INTS2: variants seen among roughly 807,000 people sequenced by gnomAD.
INTS2 encodes integrator complex subunit 2, also known as KIAA1287.
In INTS2, 57 loss-of-function variants were observed where a neutral mutation model predicts 139.6. The ratio of observed to expected loss-of-function variants is 0.41; its 90% CI spans 0.33 to 0.51. The LOEUF is 0.51. Ranked by LOEUF, INTS2 falls within the 20% of genes least tolerant of loss-of-function variation. The pLI is 0.28. For missense variants in INTS2, 1,196 were observed against 1,436.7 expected, an observed-to-expected ratio of 0.83 and a Z score of 2.71; for synonymous variants, 473 against 493.4, an observed-to-expected ratio of 0.96 and a Z score of 0.55.
Position 61,870,740 on chromosome 17 carries a change from G to A in INTS2, c.2779-752C>T, listed in dbSNP as rs2079082079. On this transcript the variant is annotated intron_variant, in intron 20 of 24. Transcript: ENST00000251334. This position sits in a 1 kb window ranked among gnomAD's most constrained non-coding sequence, Gnocchi z 4.4. ...TGATTAAGAACTTATTATAAAGTGAGGTTAGACTACTTTATAATCATGGTT... is the reference window on the plus strand; with the variant it reads ...TGATTAAGAACTTATTATAAAGTGAAGTTAGACTACTTTATAATCATGGTT... 6.6e-6 allele frequency among the ~76,000 whole-genome samples: 1 copy of A among 152,150 alleles called. No individual in the cohort carries two copies. The highest frequency in any genetic ancestry group is 1.5e-5 in the Non-Finnish European group (1 of 68,030).
chr17:61,887,469 C>G (rs1226300293), intron 15 of INTS2, among the ~76,000 whole-genome samples: 1 of 116,700 alleles, frequency 8.6e-6, no homozygotes, highest in East Asian at 2.6e-4. Context: ...GGCAACACAA[C>G]AAGACTCTGT....
intron 17 of INTS2, among the ~76,000 whole-genome samples, chr17:61,879,157 T>C (rs2458795): frequency 2.8e-5 from 4 of 143,834 alleles, no homozygotes; most frequent in Non-Finnish European, 6.0e-5. Context: ...CGGCCTCAAG[T>C]GATCCTCCTG....
rs995545484 is a variant in INTS2, at chr17:61,925,046, T to G, written c.347A>C (p.His116Pro). The G allele has an allele frequency of 3.1e-6, 5 of 1,613,826 alleles. No individual in the cohort carries two copies. The highest frequency in any genetic ancestry group is 4.2e-6 in the Non-Finnish European group (5 of 1,179,752). The change falls in exon 3 of 25, where the codon CAT (histidine) becomes CCT (proline). Residue 116 changes from histidine to proline, a missense_variant. His to Pro is a moderately conservative substitution (Grantham distance 77). Coordinates refer to ENST00000251334, the MANE Select transcript of INTS2 (RefSeq NM_001351695.2). Reference sequence around the variant, plus strand: ...GTGTTCAAACTCTAACGTCAGTCCATGCTGAAGCTGTGATACCAGGATGCT... The same window carrying G: ...GTGTTCAAACTCTAACGTCAGTCCAGGCTGAAGCTGTGATACCAGGATGCT... ...GESILVSQLQ[H>P]GLTLEFEHSD...
intron 4 of INTS2, among the ~76,000 whole-genome samples, chr17:61,920,274 A>T (rs2143160554): frequency 6.9e-6 from 1 of 144,150 alleles, no homozygotes; most frequent in African/African-American, 2.6e-5. Flanking sequence ...CTCCGCCTCC[A>T]GAGTTCAAGC....
At chr17:61,874,882 A>G (rs376619576) in intron 19 of INTS2, 31 bp downstream of exon 19, 14 of 1,513,408 alleles carry the variant, frequency 9.3e-6, no homozygotes, top group Non-Finnish European at 1.2e-5. Flanking sequence ...GTACAGCTCT[A>G]TAATAAAAAT....
chr17:61,894,375 A>G lies in INTS2; in HGVS notation c.1564-476T>C, dbSNP rs545246532. 2.6e-5 allele frequency among the ~76,000 whole-genome samples: 4 copies of G among 152,342 alleles called. No homozygotes were observed. In the East Asian group the frequency reaches 7.7e-4, roughly 29 times the overall value. On this transcript the variant is annotated intron_variant, in intron 12 of 24. Transcript: ENST00000251334. ...CTCAATATGTCATGCATAGGCTCTA[A>G]TCGTCTTTTAAAGACCCTCTTCAAA...
chr17:61,897,440 T>A lies in INTS2; in HGVS notation c.1494+29A>T. ...TGTCCAGCTTAGAAACACCTTTTTT[T>A]TTTTAGAAAGAAGTTAAAAGAAAAT... On this transcript the variant is annotated intron_variant, in intron 11 of 24. Transcript: ENST00000251334. This position sits in a 1 kb window ranked among gnomAD's most constrained non-coding sequence, Gnocchi z 4.4. The A allele has an allele frequency of 7.4e-7, 1 of 1,356,696 alleles. No homozygotes were observed. 84.0% of individuals were successfully genotyped at this position (1,356,696 alleles called of 1,614,324 possible).
chr17:61,879,580 G>A (rs1346608730), intron 17 of INTS2, among the ~76,000 whole-genome samples: 1 of 152,176 alleles, frequency 6.6e-6, no homozygotes, highest in Non-Finnish European at 1.5e-5. Flanking sequence ...GCCAGGCACG[G>A]TGGTTCATGC....
At chr17:61,907,824 T>C (rs2079481869) in intron 7 of INTS2, among the ~76,000 whole-genome samples, 190 bp from the exon 8 acceptor site, 1 of 152,188 alleles carries the variant, frequency 6.6e-6, no homozygotes, top group Non-Finnish European at 1.5e-5. Context: ...AGAATGAATA[T>C]TCACCATAAT....
At chr17:61,883,165 A>C (rs1415316043) in intron 16 of INTS2, among the ~76,000 whole-genome samples, 3 of 152,224 alleles carry the variant, frequency 2.0e-5, no homozygotes, top group Admixed American at 2.0e-4. Context: ...TCTTTTCAAT[A>C]AAGTATATCA....
chr17:61,897,665 T>C lies in INTS2; in HGVS notation c.1379+3A>G, dbSNP rs2079363248. On this transcript the variant is annotated splice_donor_region_variant and intron_variant, in intron 10 of 24. Coordinates refer to ENST00000251334, the MANE Select transcript of INTS2 (RefSeq NM_001351695.2). This position sits in a 1 kb window ranked among gnomAD's most constrained non-coding sequence, Gnocchi z 4.4. ...CTCAACTAACTAAATCAAATTATCT[T>C]ACCTCTCAAAATACGCTTCTTCTTT... 2 of 1,601,076 alleles carry C rather than the reference T, an allele frequency of 1.2e-6. No homozygotes were observed. Among genetic ancestry groups the C allele is most frequent in the Non-Finnish European group, 1.7e-6 (2 of 1,172,678 alleles).
rs946297581 is a variant in INTS2, at chr17:61,893,991, T to C, written c.1564-92A>G. 4 of 725,432 alleles carry C rather than the reference T, an allele frequency of 5.5e-6. No individual in the cohort carries two copies. The highest frequency in any genetic ancestry group is 3.6e-5 in the African/African-American group (2 of 55,356). The allele number at this position is 725,432 out of a possible 1,614,324, so 44.9% of individuals were successfully genotyped here. ...TAGTAAGTAGACTGTCAACACCTAA[T>C]ACAAGTGTGGTCCCTAGAAATGAAT... On this transcript the variant is annotated intron_variant, in intron 12 of 24. Transcript: ENST00000251334. The surrounding 1 kb of genome is among the most constrained non-coding windows in gnomAD (Gnocchi z 5.4).
intron 12 of INTS2, among the ~76,000 whole-genome samples, chr17:61,894,378 G>A (rs1194607078): frequency 1.3e-5 from 2 of 152,070 alleles, no homozygotes; most frequent in Non-Finnish European, 1.5e-5. Flanking sequence ...GGCTCTAATC[G>A]TCTTTTAAAG....
chr17:61,908,230 C>T (rs2079486318), intron 7 of INTS2, among the ~76,000 whole-genome samples: 1 of 152,172 alleles, frequency 6.6e-6, no homozygotes, highest in Non-Finnish European at 1.5e-5. Context: ...GCCTGGCCAA[C>T]ATGGTGAAAC....
intron 3 of INTS2, 74 bp from the exon 4 acceptor site, chr17:61,921,901 C>A (rs1173142239): frequency 2.1e-5 from 16 of 761,640 alleles, no homozygotes; most frequent in Non-Finnish European, 3.2e-5. Flanking sequence ...ATAATTATTT[C>A]TTGAGCTCAC....
chr17:61,901,204 A>C lies in INTS2; in HGVS notation c.1307+3256T>G, dbSNP rs543506153. ...GGATCTGTTGACCCCAGAAGTTCAA[A>C]GCTGCAATGAGTTATGACTGTACCA... On this transcript the variant is annotated intron_variant, in intron 9 of 24. Transcript: ENST00000251334. Among the ~76,000 whole-genome samples, 483 of 152,202 alleles carry C rather than the reference A, an allele frequency of 3.2e-3. 5 individuals carry two copies. The highest frequency in any genetic ancestry group is 0.011 in the African/African-American group (467 of 41,560).
intron 5 of INTS2, among the ~76,000 whole-genome samples, chr17:61,914,746 G>C (rs764616705): frequency 6.6e-6 from 1 of 150,782 alleles, no homozygotes; most frequent in African/African-American, 2.4e-5. Context: ...CAGTGGTATC[G>C]GCTGGTAGCC....
chr17:61,911,829 T>A (rs1203130300), intron 6 of INTS2, 111 bp downstream of exon 6: 1 of 1,401,748 alleles, frequency 7.1e-7, no homozygotes, highest in African/African-American at 1.4e-5. Context: ...AGGTAACATA[T>A]CCAGTATATA....
intron 9 of INTS2, among the ~76,000 whole-genome samples, chr17:61,903,329 T>C (rs2079428471): frequency 6.6e-6 from 1 of 151,296 alleles, no homozygotes; most frequent in Non-Finnish European, 1.5e-5. Context: ...TAGCTGGGAC[T>C]ACAGGTGTGA....
Sources: allele counts gnomAD v4.1 joint callset (sites outside exome capture counted in the v4.1 genomes callset), GRCh38; gene constraint gnomAD v4.1.1; non-coding constraint Gnocchi (gnomAD v3.1); transcripts MANE v1.5; gene names NCBI Gene and HGNC (gene_info 2026-07-23, HGNC 2026-07-21).